Variants in PTPRH observed in about 807,000 individuals in gnomAD.
PTPRH encodes the protein receptor-type tyrosine-protein phosphatase H.
A neutral mutation model predicts 130.2 loss-of-function variants in PTPRH; 113 were observed. The ratio of observed to expected loss-of-function variants is 0.87; its 90% CI spans 0.75 to 1.01. PTPRH has a LOEUF of 1.01. PTPRH is among the 50% of genes least tolerant of loss of function. The pLI is 0.00. For synonymous variants in PTPRH, 556 were observed against 577.9 expected (o/e 0.96, Z 0.54); for missense variants, 1,430 against 1,425.0 (o/e 1.00, Z -0.06).
rs759544705 is a variant in PTPRH, at chr19:55,200,491, C to T, written c.1165G>A (p.Val389Met). The T allele has an allele frequency of 1.9e-6, 3 of 1,614,114 alleles. No homozygotes were observed. In the South Asian group the frequency reaches 3.3e-5, roughly 18 times the overall value. ...TGAGTCTCCATATGGAGGTTTCTCA[C>T]TGGGTTGGGGGCTGAGAAAGTAGGA... Reference protein sequence around the residue: ...TRNATTAPNPVRNLHMETQTN... With the variant: ...TRNATTAPNPMRNLHMETQTN... The change falls in exon 7 of 20, where the codon GTG becomes ATG. Residue 389 changes from valine to methionine, a missense_variant. Transcript: ENST00000376350.
intron 6 of PTPRH, among the ~76,000 whole-genome samples, chr19:55,201,688 C>T (rs1198030010): frequency 6.6e-6 from 1 of 152,220 alleles, no homozygotes; most frequent in Non-Finnish European, 1.5e-5. Context: ...CAATATGTGA[C>T]ACAGTTGGGA....
At chr19:55,184,809 AAAATAAAATAAAAT>A (rs921518245) in intron 18 of PTPRH, among the ~76,000 whole-genome samples, 15 of 143,836 alleles carry the variant, frequency 1.0e-4, no homozygotes, top group South Asian at 4.2e-4. Context: ...ATAAAATAAT[AAAATAAAATAAAAT>A]AAATAAAATA....
At chr19:55,207,402 G>A (rs2087105710) in intron 1 of PTPRH, 1 of 578,466 alleles carries the variant, frequency 1.7e-6, no homozygotes, top group Non-Finnish European at 3.1e-6. Context: ...CAGGAGCAGA[G>A]CTTAGGGAGC....
rs1600042559 is a variant in PTPRH at position 55,197,174 on chromosome 19, CGGTGAAATTGTACAA to C, written c.1918_1932del (p.Leu640_Thr644del). The C allele has an allele frequency of 6.2e-7, 1 of 1,614,250 alleles. No individual in the cohort carries two copies. Among genetic ancestry groups the C allele is most frequent in the Non-Finnish European group, 8.5e-7 (1 of 1,180,048 alleles). On this transcript the variant is annotated inframe_deletion, in exon 9 of 20. Coordinates refer to ENST00000376350, the MANE Select transcript of PTPRH (RefSeq NM_002842.5). ...GCTACGTCATTCCTCTCTGCCCACA[CGGTGAAATTGTACAA>C]CGTCCCGGGTTCCAGGGCCTCCACT...
At chr19:55,184,648 G>A (rs935132012) in intron 18 of PTPRH, among the ~76,000 whole-genome samples, 1 of 151,764 alleles carries the variant, frequency 6.6e-6, no homozygotes, top group African/African-American at 2.4e-5. Context: ...TTAGCTGGGT[G>A]TGGTGGTGAG....
chr19:55,185,404 C>T, intron 18 of PTPRH, 98 bp downstream of exon 18: 2 of 1,340,570 alleles, frequency 1.5e-6, no homozygotes, highest in South Asian at 2.8e-5. Context: ...TCTCCCTCTT[C>T]ACCTCCCCTG....
chr19:55,203,219 C>A (rs565888375), intron 5 of PTPRH, among the ~76,000 whole-genome samples: 2 of 147,642 alleles, frequency 1.4e-5, no homozygotes, highest in Non-Finnish European at 3.0e-5. Context: ...CCCAGCTACT[C>A]GGGAGGCTGA....
chr19:55,207,661 C>T (rs2087114520), intron 1 of PTPRH, among the ~76,000 whole-genome samples: 1 of 96,202 alleles, frequency 1.0e-5, no homozygotes, highest in African/African-American at 4.8e-5. Flanking sequence ...GGGGCCTGGA[C>T]TCCTGAGTCT....
Position 55,201,994 on chromosome 19 carries a change from A to T in PTPRH, c.1153+62T>A. 4 of 1,590,646 alleles carry T rather than the reference A, an allele frequency of 2.5e-6. No individual in the cohort carries two copies. The South Asian group carries it at 3.5e-5, about 14-fold the overall frequency. Reference sequence around the variant, plus strand: ...GACTATGGAATAGACAATCGTCTACATTCTACTGCTTACTGTCCCTTAAAC... The same window carrying T: ...GACTATGGAATAGACAATCGTCTACTTTCTACTGCTTACTGTCCCTTAAAC... On this transcript the variant is annotated intron_variant, in intron 6 of 19. Transcript: ENST00000376350.
chr19:55,191,181 C>T (rs1213505168), intron 12 of PTPRH, among the ~76,000 whole-genome samples: 3 of 152,190 alleles, frequency 2.0e-5, no homozygotes, highest in Non-Finnish European at 4.4e-5. Flanking sequence ...AATATAAGCC[C>T]CTGGCGGGCA....
At chr19:55,182,381 G>A (rs1249146826) in intron 18 of PTPRH, among the ~76,000 whole-genome samples, 7 of 152,150 alleles carry the variant, frequency 4.6e-5, no homozygotes, top group Non-Finnish European at 8.8e-5. Flanking sequence ...AAAATTAGCC[G>A]GGTATGGTGG....
rs111538520 is a variant in PTPRH, at chr19:55,183,377, C to A, written c.3063-1226G>T. Reference sequence around the variant, plus strand: ...CGAGATCACATCACTGCACTCCCAGCCTGGGCGACAGAGCAAGATTCCGTC... The same window carrying A: ...CGAGATCACATCACTGCACTCCCAGACTGGGCGACAGAGCAAGATTCCGTC... On this transcript the variant is annotated intron_variant, in intron 18 of 19. Coordinates refer to ENST00000376350, the MANE Select transcript of PTPRH (RefSeq NM_002842.5). Among the ~76,000 whole-genome samples, 588 of 151,280 alleles carry A rather than the reference C, an allele frequency of 3.9e-3. 2 individuals carry two copies. The highest frequency in any genetic ancestry group is 0.014 in the African/African-American group (572 of 41,276).
At chr19:55,198,040 C>T (rs2086740551) in intron 8 of PTPRH, among the ~76,000 whole-genome samples, 1 of 152,130 alleles carries the variant, frequency 6.6e-6, no homozygotes, top group African/African-American at 2.4e-5. Context: ...TAAGGAGACC[C>T]TCTCTCTACA....
intron 5 of PTPRH, among the ~76,000 whole-genome samples, chr19:55,202,761 A>C (rs6509935): frequency 6.6e-6 from 1 of 151,878 alleles, no homozygotes; most frequent in Non-Finnish European, 1.5e-5. Flanking sequence ...TGTATCTGCC[A>C]GGCGCAGTGG....
chr19:55,187,737 C>T (rs1220973452), intron 13 of PTPRH, 134 bp from the exon 14 acceptor site: 19 of 682,846 alleles, frequency 2.8e-5, no homozygotes, highest in East Asian at 8.2e-5. Flanking sequence ...ATATGGCACC[C>T]ACAAAAACAG....
chr19:55,186,103 C>CA (rs2086316127), intron 16 of PTPRH, 119 bp from the exon 17 acceptor site: 2 of 1,581,064 alleles, frequency 1.3e-6, no homozygotes, highest in Non-Finnish European at 1.7e-6. Context: ...AACAGGTCTA[C>CA]ACTGAAGACG....
chr19:55,192,524 G>A (rs1428821829), intron 10 of PTPRH, among the ~76,000 whole-genome samples: 2 of 151,940 alleles, frequency 1.3e-5, no homozygotes, highest in African/African-American at 2.4e-5. Flanking sequence ...TAAGTTTTGG[G>A]GGAGTCAAAA....
At position 55,185,944 on chromosome 19, in the gene PTPRH, C is replaced by A. The variant is rs746214480; in HGVS notation, c.2819G>T (p.Cys940Phe). Residue 940 changes from cysteine to phenylalanine, a missense_variant, in exon 17 of 20, where the codon TGC becomes TTC. Cys to Phe is a radical substitution (Grantham distance 205). Transcript: ENST00000376350. Reference sequence around the variant, plus strand: ...GGTTACCCGCAGGTGCCCATGGGTGCAGGGCTGCGAGTCCAGAGGCCAGTA... The same window carrying A: ...GGTTACCCGCAGGTGCCCATGGGTGAAGGGCTGCGAGTCCAGAGGCCAGTA... Reference protein sequence around the residue: ...EHYWPLDSQPCTHGHLRVTLV... With the variant: ...EHYWPLDSQPFTHGHLRVTLV... The A allele has an allele frequency of 6.8e-6, 11 of 1,613,956 alleles. No individual in the cohort carries two copies. Among genetic ancestry groups the A allele is most frequent in the South Asian group, 1.1e-5 (1 of 91,088 alleles).
chr19:55,200,336 C>T lies in PTPRH; in HGVS notation c.1320G>A (p.Val440=), dbSNP rs142951925. Residue 440 remains valine (V), a synonymous_variant, in exon 7 of 20, where the codon GTG becomes GTA. Coordinates refer to ENST00000376350, the MANE Select transcript of PTPRH (RefSeq NM_002842.5). ...TTCCGGGCTCAAGTCTCTCAGCTGT[C>T]ACACTGGTATTTGTTGTGTTTCGGG... ...TETRNTTNTS[V]TAERLEPGTL... The T allele has an allele frequency of 1.3e-3, 2,046 of 1,614,204 alleles. 13 individuals are homozygous for T. Among genetic ancestry groups the T allele is most frequent in the South Asian group, 9.3e-3 (851 of 91,080 alleles).
Sources: allele counts gnomAD v4.1 joint callset (sites outside exome capture counted in the v4.1 genomes callset), GRCh38; gene constraint gnomAD v4.1.1; transcripts MANE v1.5; gene names NCBI Gene and HGNC (gene_info 2026-07-23, HGNC 2026-07-21).